RANBP17: variants seen among roughly 807,000 people sequenced by gnomAD.
RANBP17 encodes the protein ran-binding protein 17.
In RANBP17, 158 loss-of-function variants were observed where a neutral mutation model predicts 141.2. The observed-to-expected ratio is 1.12, with a 90% CI of 0.98 to 1.28. The LOEUF (loss-of-function observed/expected upper bound fraction) is 1.28, where lower values mean the gene tolerates loss of function less well. RANBP17 is among the 50% of genes most tolerant of loss of function. The probability of loss-of-function intolerance (pLI) is 0.00; values close to 1 mark genes in which losing one functional copy is unlikely to be tolerated. For missense variants in RANBP17, 1,438 were observed against 1,290.7 expected (o/e 1.11, Z -1.75); for synonymous variants, 430 against 450.0 (o/e 0.96, Z 0.56).
intron 14 of RANBP17, among the ~76,000 whole-genome samples, chr5:171,096,700 G>A (rs1407549706): frequency 1.3e-5 from 2 of 152,104 alleles, no homozygotes; most frequent in East Asian, 1.9e-4. Flanking sequence ...TACAGAGAAA[G>A]AATAAATTTA....
intron 11 of RANBP17, among the ~76,000 whole-genome samples, chr5:170,923,944 A>G (rs1772690245): frequency 6.6e-6 from 1 of 150,888 alleles, no homozygotes; most frequent in Non-Finnish European, 1.5e-5. Context: ...AGATATAGAC[A>G]GTTTTATTTT....
At chr5:171,110,066 CTTAT>C (rs903945007) in intron 14 of RANBP17, among the ~76,000 whole-genome samples, 1 of 151,762 alleles carries the variant, frequency 6.6e-6, no homozygotes, top group African/African-American at 2.4e-5. Flanking sequence ...TGTCTTTTTT[CTTAT>C]TTATATATTT....
chr5:171,103,487 G>A (rs996998353), intron 14 of RANBP17, among the ~76,000 whole-genome samples: 2 of 152,292 alleles, frequency 1.3e-5, no homozygotes, highest in South Asian at 4.2e-4. Context: ...ACTTCAGACT[G>A]CTGTGCTGGC....
At chr5:171,164,980 C>T (rs760317086) in intron 14 of RANBP17, among the ~76,000 whole-genome samples, 1 of 152,116 alleles carries the variant, frequency 6.6e-6, no homozygotes. Context: ...CTTCAAAGCA[C>T]CTTCTGATTT....
At chr5:170,873,201 G>A (rs1019303437) in intron 1 of RANBP17, among the ~76,000 whole-genome samples, 3 of 152,130 alleles carry the variant, frequency 2.0e-5, no homozygotes, top group Admixed American at 1.3e-4. Context: ...GTGAGCCATG[G>A]CACTGGGCTT....
chr5:171,250,467 G>A (rs1765485840), intron 24 of RANBP17, among the ~76,000 whole-genome samples: 1 of 151,994 alleles, frequency 6.6e-6, no homozygotes, highest in African/African-American at 2.4e-5. Flanking sequence ...AATATGACAG[G>A]AACAAACCTT....
In RANBP17 at chr5:170,896,669, A is replaced by C. The variant is rs180958075; in HGVS notation, c.489+554A>C. ...ACATGGAGAAACCCCATCTCTACTA[A>C]AAATACAACAATTAGATGGGCGTGG... On this transcript the variant is annotated intron_variant, in intron 5 of 27. Coordinates refer to ENST00000523189, the MANE Select transcript of RANBP17 (RefSeq NM_022897.5). Among the ~76,000 whole-genome samples, 23 of 152,268 alleles carry C rather than the reference A, an allele frequency of 1.5e-4. No homozygotes were observed. In the East Asian group the frequency reaches 3.7e-3, roughly 24 times the overall value.
intron 5 of RANBP17, among the ~76,000 whole-genome samples, 170 bp from the exon 6 acceptor site, chr5:170,909,491 G>A (rs1161884476): frequency 6.7e-6 from 1 of 149,786 alleles, no homozygotes; most frequent in Non-Finnish European, 1.5e-5. Flanking sequence ...ATGAACTTTG[G>A]TTTTTAGTAT....
intron 14 of RANBP17, among the ~76,000 whole-genome samples, chr5:171,158,798 T>C (rs932872971): frequency 2.0e-5 from 3 of 152,178 alleles, no homozygotes; most frequent in African/African-American, 7.2e-5. Context: ...TTTGCATTCA[T>C]GAGCTATGGG....
chr5:171,225,966 A>C (rs1763856308), intron 22 of RANBP17, among the ~76,000 whole-genome samples: 1 of 152,162 alleles, frequency 6.6e-6, no homozygotes, highest in African/African-American at 2.4e-5. Context: ...GCACAAAACA[A>C]TTTCCTGTTT....
chr5:170,977,235 A>T (rs974900957), intron 14 of RANBP17, among the ~76,000 whole-genome samples: 5 of 152,114 alleles, frequency 3.3e-5, no homozygotes, highest in African/African-American at 1.2e-4. Context: ...CAACAAGGAC[A>T]TGGAAAGATC....
At chr5:171,165,501 T>TTAC (rs1235886292) in intron 14 of RANBP17, among the ~76,000 whole-genome samples, 5 of 152,086 alleles carry the variant, frequency 3.3e-5, no homozygotes, top group African/African-American at 1.2e-4. Flanking sequence ...ATTATTATTA[T>TTAC]TACTATTTTA....
intron 1 of RANBP17, among the ~76,000 whole-genome samples, chr5:170,873,742 A>G (rs1400593226): frequency 1.3e-5 from 2 of 151,908 alleles, no homozygotes; most frequent in East Asian, 1.9e-4. Flanking sequence ...TTTCTCCTTT[A>G]TTAGTCTAGC....
In RANBP17 at chr5:170,864,712, A is replaced by T. The variant is rs144273020; in HGVS notation, c.18+2661A>T. Among the ~76,000 whole-genome samples the T allele has an allele frequency of 8.0e-3, 1,219 of 152,360 alleles. 16 individuals carry two copies. The highest frequency in any genetic ancestry group is 0.028 in the African/African-American group (1,160 of 41,584). On this transcript the variant is annotated intron_variant, in intron 1 of 27. Transcript: ENST00000523189. ...AAATTTAAGGGACTCAGTTGATCCA[A>T]CTTTTTTGCTCAGGACTGTTTAAGA... is the stretch of plus-strand genomic sequence containing the variant.
chr5:170,917,404 G>C (rs1772062109), intron 9 of RANBP17, among the ~76,000 whole-genome samples: 1 of 152,062 alleles, frequency 6.6e-6, no homozygotes. Context: ...AGCTGCTATT[G>C]AGTAATTTGG....
intron 14 of RANBP17, among the ~76,000 whole-genome samples, chr5:171,101,792 G>A (rs911158281): frequency 2.4e-4 from 37 of 152,164 alleles, no homozygotes; most frequent in African/African-American, 8.0e-4. Flanking sequence ...AGGCCTAGTG[G>A]TGACAGAATC....
intron 22 of RANBP17, among the ~76,000 whole-genome samples, chr5:171,233,980 TG>T (rs1561787018): frequency 6.6e-6 from 1 of 151,640 alleles, no homozygotes; most frequent in Non-Finnish European, 1.5e-5. Context: ...TGTGCATGTG[TG>T]GGGGCAGGAG....
At chr5:170,933,232 G>A (rs1773553224) in intron 12 of RANBP17, among the ~76,000 whole-genome samples, 1 of 152,146 alleles carries the variant, frequency 6.6e-6, no homozygotes, top group Non-Finnish European at 1.5e-5. Flanking sequence ...ATGGTAGTCT[G>A]CATTTCTGTG....
At chr5:171,141,621 C>CCA (rs1757706075) in intron 14 of RANBP17, among the ~76,000 whole-genome samples, 1 of 55,318 alleles carries the variant, frequency 1.8e-5, no homozygotes. Flanking sequence ...GACTCCATCT[C>CCA]AAAAAAAAAA....
Sources: gnomAD v4.1 joint callset for allele counts (sites outside exome capture counted in the v4.1 genomes callset) on GRCh38, gnomAD v4.1.1 for gene constraint, MANE v1.5 for transcripts, NCBI Gene and HGNC (gene_info 2026-07-23, HGNC 2026-07-21) for gene names.